Variants in ZNF614 observed in about 807,000 individuals in gnomAD.
ZNF614 encodes the protein zinc finger protein 614.
Under a neutral mutation model 12.8 loss-of-function variants are expected in ZNF614, and 11 were observed. That is an observed-to-expected ratio of 0.86 (90% CI 0.54 to 1.43). The LOEUF is 1.43. Among genes scored for constraint, ZNF614 ranks in the 40% most tolerant of loss-of-function variants. The pLI, the probability that ZNF614 is intolerant of heterozygous loss-of-function variation, is 0.00. For synonymous variants in ZNF614, 237 were observed against 237.5 expected (o/e 1.00, Z 0.02); for missense variants, 664 against 708.8 (o/e 0.94, Z 0.72).
chr19:52,019,261 A>C (rs2086919981), intron 2 of ZNF614, among the ~76,000 whole-genome samples: 2 of 152,224 alleles, frequency 1.3e-5, no homozygotes, highest in African/African-American at 4.8e-5. Context: ...ATATAAGTGG[A>C]AATGGCAGAA....
At chr19:52,026,514 G>A (rs998102904) in intron 1 of ZNF614, among the ~76,000 whole-genome samples, 10 of 152,126 alleles carry the variant, frequency 6.6e-5, no homozygotes, top group African/African-American at 1.9e-4. Flanking sequence ...GGAAGGCCGC[G>A]GGGACCTCTG....
chr19:52,026,838 A>G (rs984995229), intron 1 of ZNF614, among the ~76,000 whole-genome samples: 1 of 152,182 alleles, frequency 6.6e-6, no homozygotes, highest in Non-Finnish European at 1.5e-5. Flanking sequence ...ATTGTACCGA[A>G]ATGTTTGTGT....
At chr19:52,023,193 G>A (rs1373801271) in intron 2 of ZNF614, among the ~76,000 whole-genome samples, 1 of 149,464 alleles carries the variant, frequency 6.7e-6, no homozygotes. Flanking sequence ...TTTTGAGATG[G>A]AGTATCGCTC....
At chr19:52,023,603 G>C (rs963756694) in intron 2 of ZNF614, among the ~76,000 whole-genome samples, 4 of 152,074 alleles carry the variant, frequency 2.6e-5, no homozygotes, top group Non-Finnish European at 5.9e-5. Flanking sequence ...GTGTATCACA[G>C]GGTTTCCTTA....
At position 52,028,229 on chromosome 19, in the gene ZNF614, G is replaced by A. The variant is rs985748707; in HGVS notation, c.-217+13C>T. The A allele has an allele frequency of 1.3e-5, 2 of 152,522 alleles. No homozygotes were observed. Among genetic ancestry groups the A allele is most frequent in the African/African-American group, 4.8e-5 (2 of 41,472 alleles). The allele number at this position is 152,522 out of a possible 1,614,324, so 9.4% of individuals were successfully genotyped here. On this transcript the variant is annotated intron_variant, in intron 1 of 4. Transcript: ENST00000270649. Reference sequence around the variant, plus strand: ...CCCACAGGCCGCGAGTCCATGCCCAGAACTCGACTCACCCGAGCCCGAACC... The same window carrying A: ...CCCACAGGCCGCGAGTCCATGCCCAAAACTCGACTCACCCGAGCCCGAACC...
chr19:52,022,611 A>G (rs2086939348), intron 2 of ZNF614, among the ~76,000 whole-genome samples: 1 of 151,382 alleles, frequency 6.6e-6, no homozygotes, highest in African/African-American at 2.4e-5. Flanking sequence ...AAAAAAAAAA[A>G]GACTGCCTCC....
intron 1 of ZNF614, among the ~76,000 whole-genome samples, chr19:52,027,768 CAAT>C (rs1393493978): frequency 6.6e-6 from 1 of 152,102 alleles, no homozygotes; most frequent in Non-Finnish European, 1.5e-5. Flanking sequence ...GACAATTCAA[CAAT>C]AATAATTGAA....
At chr19:52,021,512 GGA>G (rs1338340735) in intron 2 of ZNF614, among the ~76,000 whole-genome samples, 2 of 152,144 alleles carry the variant, frequency 1.3e-5, no homozygotes, top group Non-Finnish European at 2.9e-5. Context: ...TACTTCCAGA[GGA>G]GAGTTTGAGC....
rs556372609 is a variant in ZNF614 at position 52,023,456 on chromosome 19, T to G, written c.15+2275A>C. 3.3e-5 allele frequency among the ~76,000 whole-genome samples: 5 copies of G among 151,698 alleles called. No homozygotes were observed. In the South Asian group the frequency reaches 1.0e-3, roughly 32 times the overall value. On this transcript the variant is annotated intron_variant, in intron 2 of 4. Coordinates refer to ENST00000270649, the MANE Select transcript of ZNF614 (RefSeq NM_025040.4). ...CCCCCATGCCCAGCCTGTTCAAGAGTTTTTATAGAACTTACTCTCCAGTCC... is the reference window on the plus strand; with the variant it reads ...CCCCCATGCCCAGCCTGTTCAAGAGGTTTTATAGAACTTACTCTCCAGTCC...
Position 52,016,824 on chromosome 19 carries a change from G to T in ZNF614, c.774C>A (p.Ile258=), listed in dbSNP as rs1455654767. Reference sequence around the variant, plus strand: ...CTTTTCTATATTCATTGGGTATACAGATTTTGTCTGTTGTATTAGTTTTCA... The same window carrying T: ...CTTTTCTATATTCATTGGGTATACATATTTTGTCTGTTGTATTAGTTTTCA... ...KHLKTNTTDK[I]CIPNEYRKGS... Residue 258 remains isoleucine (I), a synonymous_variant, in exon 5 of 5, where the codon ATC becomes ATA. Coordinates refer to ENST00000270649, the MANE Select transcript of ZNF614 (RefSeq NM_025040.4). 2 of 1,613,714 alleles carry T rather than the reference G, an allele frequency of 1.2e-6. No individual in the cohort carries two copies. Among genetic ancestry groups the T allele is most frequent in the Admixed American group, 1.7e-5 (1 of 59,970 alleles).
intron 2 of ZNF614, among the ~76,000 whole-genome samples, chr19:52,024,598 A>G (rs1184690849): frequency 6.6e-6 from 1 of 152,146 alleles, no homozygotes; most frequent in Admixed American, 6.5e-5. Context: ...AGATGCTGTT[A>G]ATCTGTAACC....
intron 2 of ZNF614, among the ~76,000 whole-genome samples, chr19:52,023,409 C>T (rs1336164915): frequency 2.0e-5 from 3 of 151,990 alleles, no homozygotes; most frequent in South Asian, 2.1e-4. Context: ...CCTCATGATC[C>T]GCTCGGGATT....
rs747507684 is a variant in ZNF614, at chr19:52,016,816, G to C, written c.782C>G (p.Pro261Arg). ...KTNTTDKICIPNEYRKGSTVK... is the reference protein window; with the variant it reads ...KTNTTDKICIRNEYRKGSTVK... ...AGTAGAGCCTTTTCTATATTCATTG[G>C]GTATACAGATTTTGTCTGTTGTATT... is the stretch of plus-strand genomic sequence containing the variant. Residue 261 changes from proline to arginine, a missense_variant, in exon 5 of 5, where the codon CCC (proline) becomes CGC (arginine). By Grantham distance (103) the Pro-to-Arg change is moderately radical. Coordinates refer to ENST00000270649, the MANE Select transcript of ZNF614 (RefSeq NM_025040.4). 6.2e-7 allele frequency: 1 copy of C among 1,613,816 alleles called. No individual in the cohort carries two copies. The highest frequency in any genetic ancestry group is 8.5e-7 in the Non-Finnish European group (1 of 1,180,026).
rs981163957 is a variant in ZNF614, at chr19:52,013,814, A to G, written c.*2026T>C. ...AATACAACTTCTTAGAGTACAAACT[A>G]AAAAAGAAAAAAACATGTAAAAATT... On this transcript the variant is annotated 3_prime_UTR_variant, in exon 5 of 5. Transcript: ENST00000270649. 5 of 151,662 alleles carry G rather than the reference A, an allele frequency of 3.3e-5. No individual in the cohort carries two copies. The highest frequency in any genetic ancestry group is 3.3e-4 in the Admixed American group (5 of 15,230). 9.4% of individuals were successfully genotyped at this position (151,662 alleles called of 1,614,324 possible).
chr19:52,028,057 G>A (rs1259252901), intron 1 of ZNF614, among the ~76,000 whole-genome samples, 185 bp downstream of exon 1: 2 of 152,186 alleles, frequency 1.3e-5, no homozygotes, highest in African/African-American at 4.8e-5. Flanking sequence ...AAGGGCCCCA[G>A]ACCCAGACAG....
Position 52,016,265 on chromosome 19 carries a change from G to GTA in ZNF614, c.1331_1332dup (p.His445TyrfsTer154). 3 of 1,614,216 alleles carry GTA rather than the reference G, an allele frequency of 1.9e-6. No individual in the cohort carries two copies. The highest frequency in any genetic ancestry group is 2.5e-6 in the Non-Finnish European group (3 of 1,180,028). ...TTTTCTCCTGTATGAGTTCGCTGAT[G>GTA]TATAATAAGAGTGCGCTTTGTGGTG... On this transcript the variant is annotated frameshift_variant, in exon 5 of 5. Coordinates refer to ENST00000270649, the MANE Select transcript of ZNF614 (RefSeq NM_025040.4). LOFTEE classifies it low-confidence loss of function (END_TRUNC).
intron 2 of ZNF614, among the ~76,000 whole-genome samples, chr19:52,024,182 A>T (rs936653395): frequency 6.6e-6 from 1 of 152,134 alleles, no homozygotes; most frequent in Non-Finnish European, 1.5e-5. Context: ...TTTCATAATA[A>T]GCCAGTAATC....
At chr19:52,026,913 A>T (rs2086978786) in intron 1 of ZNF614, among the ~76,000 whole-genome samples, 1 of 152,060 alleles carries the variant, frequency 6.6e-6, no homozygotes, top group Non-Finnish European at 1.5e-5. Context: ...CTTTGTTCAC[A>T]TGTTTTCCTG....
intron 2 of ZNF614, among the ~76,000 whole-genome samples, chr19:52,021,889 ATCCAG>A: frequency 6.6e-6 from 1 of 152,356 alleles, no homozygotes; most frequent in South Asian, 2.1e-4. Flanking sequence ...AAGAATCAAT[ATCCAG>A]TCAAGATAAA....
Sources: gnomAD v4.1 joint callset for allele counts (sites outside exome capture counted in the v4.1 genomes callset) on GRCh38, gnomAD v4.1.1 for gene constraint, MANE v1.5 for transcripts, NCBI Gene and HGNC (gene_info 2026-07-23, HGNC 2026-07-21) for gene names.